The following TMEM117 variants were observed in gnomAD, a reference collection of about 807,000 sequenced individuals.
The protein encoded by TMEM117 is transmembrane protein 117.
In TMEM117, 27 loss-of-function variants were observed where a neutral mutation model predicts 52.4. That is an observed-to-expected ratio of 0.51 (90% CI 0.38 to 0.71). TMEM117 has a LOEUF of 0.71. Among genes scored for constraint, TMEM117 ranks in the 30% least tolerant of loss-of-function variants. The pLI is 0.00. For missense variants in TMEM117, 556 were observed against 630.5 expected, an observed-to-expected ratio of 0.88 and a Z score of 1.26; for synonymous variants, 215 against 206.3, an observed-to-expected ratio of 1.04 and a Z score of -0.36.
chr12:44,017,785 A>G (rs1286406393), intron 3 of TMEM117, among the ~76,000 whole-genome samples: 2 of 152,202 alleles, frequency 1.3e-5, no homozygotes, highest in African/African-American at 4.8e-5. Context: ...TTTAAATAGA[A>G]TAAGGACATC....
At chr12:43,831,451 C>CTT (rs11402665), upstream of TMEM117, among the ~76,000 whole-genome samples, 1 of 134,236 alleles carries the variant, frequency 7.4e-6, no homozygotes, top group African/African-American at 2.7e-5. Flanking sequence ...TTGTCTTTTT[C>CTT]TTTTTTTTTT....
At chr12:44,134,670 T>A (rs1948463695) in intron 3 of TMEM117, among the ~76,000 whole-genome samples, 1 of 152,186 alleles carries the variant, frequency 6.6e-6, no homozygotes, top group South Asian at 2.1e-4. Flanking sequence ...CACTGATGGC[T>A]TTTTTTGTAT....
chr12:43,840,332 A>C (rs936293391), intron 1 of TMEM117, among the ~76,000 whole-genome samples: 7 of 152,240 alleles, frequency 4.6e-5, no homozygotes, highest in African/African-American at 1.7e-4. Context: ...AATTTAAGAG[A>C]TGCTTGTAAA....
intron 4 of TMEM117, among the ~76,000 whole-genome samples, chr12:44,177,458 A>T (rs1949131707): frequency 6.6e-6 from 1 of 152,170 alleles, no homozygotes; most frequent in Admixed American, 6.5e-5. Context: ...ATATTTATTT[A>T]TTTATAGCTT....
At chr12:44,082,992 T>C (rs1947507234) in intron 3 of TMEM117, among the ~76,000 whole-genome samples, 1 of 152,176 alleles carries the variant, frequency 6.6e-6, no homozygotes, top group African/African-American at 2.4e-5. Context: ...ATCTTTGATG[T>C]TGTGACTATA....
chr12:43,806,161 C>T, the TMEM117 span: 1 of 1,534,710 alleles, frequency 6.5e-7, no homozygotes, highest in East Asian at 2.5e-5. Context: ...CTGCAGCCCT[C>T]CCGGCTCTCC....
the TMEM117 span, among the ~76,000 whole-genome samples, chr12:43,830,812 C>A: frequency 6.6e-6 from 1 of 151,982 alleles, no homozygotes; most frequent in Non-Finnish European, 1.5e-5. Context: ...CATACCAGAC[C>A]AAATGCTAAA....
At chr12:43,872,101 C>T (rs959854588) in intron 2 of TMEM117, among the ~76,000 whole-genome samples, 3 of 152,116 alleles carry the variant, frequency 2.0e-5, no homozygotes, top group African/African-American at 7.2e-5. Flanking sequence ...GGGGTCTTGC[C>T]TTGTTACTCA....
chr12:44,012,228 A>C (rs1946303841), intron 3 of TMEM117, among the ~76,000 whole-genome samples: 1 of 150,352 alleles, frequency 6.7e-6, no homozygotes, highest in Non-Finnish European at 1.5e-5. Flanking sequence ...TTTTTTCCTT[A>C]TCTTTGATTT....
At chr12:44,125,399 G>A (rs1022182419) in intron 3 of TMEM117, among the ~76,000 whole-genome samples, 2 of 152,140 alleles carry the variant, frequency 1.3e-5, no homozygotes, top group Non-Finnish European at 2.9e-5. Context: ...GAGCCACTGC[G>A]CCCGGCCTGG....
At chr12:44,174,615 A>G (rs535223864) in intron 4 of TMEM117, among the ~76,000 whole-genome samples, 83 of 152,260 alleles carry the variant, frequency 5.5e-4, no homozygotes, top group South Asian at 1.2e-3. Flanking sequence ...TTCTTCTTTT[A>G]TTCAACAAAA....
chr12:43,962,647 C>T (rs1473129511), intron 3 of TMEM117, among the ~76,000 whole-genome samples: 2 of 152,120 alleles, frequency 1.3e-5, no homozygotes, highest in Non-Finnish European at 2.9e-5. Flanking sequence ...AGGGGCCGGG[C>T]ACGTGGCTCA....
chr12:43,838,529 G>A (rs547743524), intron 1 of TMEM117, among the ~76,000 whole-genome samples: 16 of 141,456 alleles, frequency 1.1e-4, no homozygotes, highest in Middle Eastern at 3.6e-3. Flanking sequence ...CTGGAATGGA[G>A]TCTTCCAGTT....
At chr12:44,148,994 C>T (rs971525990) in intron 4 of TMEM117, among the ~76,000 whole-genome samples, 3 of 152,172 alleles carry the variant, frequency 2.0e-5, no homozygotes, top group African/African-American at 4.8e-5. Flanking sequence ...CTCAACCAGG[C>T]TATGCACTTC....
At chr12:43,804,507 A>G in the TMEM117 span, 1 of 1,589,270 alleles carries the variant, frequency 6.3e-7, no homozygotes, top group Non-Finnish European at 8.6e-7. Context: ...TTTTCAATAG[A>G]TATTTTCAGA....
intron 2 of TMEM117, among the ~76,000 whole-genome samples, chr12:43,937,446 C>T (rs149318170): frequency 1.2e-4 from 18 of 152,216 alleles, no homozygotes; most frequent in African/African-American, 2.4e-4. Flanking sequence ...TTGGAGAAAA[C>T]GAACTGTAGC....
intron 2 of TMEM117, among the ~76,000 whole-genome samples, chr12:43,860,803 C>T (rs576875836): frequency 6.6e-5 from 10 of 152,264 alleles, no homozygotes; most frequent in Admixed American, 6.5e-4. Flanking sequence ...AAGGGAGACA[C>T]CAATAAACAT....
chr12:44,268,407 G>A (rs1474474371), intron 5 of TMEM117, among the ~76,000 whole-genome samples: 1 of 151,992 alleles, frequency 6.6e-6, no homozygotes, highest in East Asian at 1.9e-4. Flanking sequence ...GCCTCTCCAG[G>A]TCTTGGGATT....
intron 6 of TMEM117, among the ~76,000 whole-genome samples, chr12:44,313,567 C>T (rs1300695028): frequency 6.6e-6 from 1 of 152,102 alleles, no homozygotes; most frequent in Non-Finnish European, 1.5e-5. Flanking sequence ...GTTCTTTTTG[C>T]TTAGCATTGC....
Sources: allele counts gnomAD v4.1 joint callset (sites outside exome capture counted in the v4.1 genomes callset), GRCh38; gene constraint gnomAD v4.1.1; transcripts MANE v1.5; gene names NCBI Gene and HGNC (gene_info 2026-07-23, HGNC 2026-07-21).